Variants in LRRK1 observed in about 807,000 individuals in gnomAD.
LRRK1 encodes leucine-rich repeat serine/threonine-protein kinase 1.
A neutral mutation model predicts 209.1 loss-of-function variants in LRRK1; 113 were observed. The observed-to-expected ratio is 0.54, with a 90% CI of 0.46 to 0.63. The LOEUF (loss-of-function observed/expected upper bound fraction) is 0.63, where lower values mean the gene tolerates loss of function less well. LRRK1 is among the 30% of genes least tolerant of loss of function. The pLI is 0.00. For synonymous variants in LRRK1, 1,144 were observed against 1,099.7 expected, an observed-to-expected ratio of 1.04 and a Z score of -0.80; for missense variants, 2,284 against 2,632.2, an observed-to-expected ratio of 0.87 and a Z score of 2.89.
intron 12 of LRRK1, among the ~76,000 whole-genome samples, chr15:101,017,327 G>C (rs2141703517): frequency 6.6e-6 from 1 of 152,316 alleles, no homozygotes; most frequent in Middle Eastern, 3.4e-3. Context: ...GATACACATA[G>C]AGATCTGTCC....
At chr15:100,971,808 G>A (rs2030903630) in intron 2 of LRRK1, among the ~76,000 whole-genome samples, 1 of 152,086 alleles carries the variant, frequency 6.6e-6, no homozygotes, top group East Asian at 1.9e-4. Context: ...GTCTCTGTTA[G>A]CTGTTTTTCC....
chr15:101,068,735 A>G lies in LRRK1; in HGVS notation c.5935A>G (p.Thr1979Ala), dbSNP rs916569957. 4 of 1,613,904 alleles carry G rather than the reference A, an allele frequency of 2.5e-6. No homozygotes were observed. The highest frequency in any genetic ancestry group is 3.4e-6 in the Non-Finnish European group (4 of 1,179,844). Reference protein sequence around the residue: ...TVVCTFENENTEWCLAVWRGW... With the variant: ...TVVCTFENENAEWCLAVWRGW... Reference sequence around the variant, plus strand: ...TGTGTGCACCTTTGAAAATGAAAACACAGAGTGGTGCCTGGCCGTCTGGAG... The same window carrying G: ...TGTGTGCACCTTTGAAAATGAAAACGCAGAGTGGTGCCTGGCCGTCTGGAG... Residue 1979 changes from threonine to alanine, a missense_variant, in exon 34 of 34, where the codon ACA (threonine) becomes GCA (alanine). Thr to Ala is a moderately conservative substitution (Grantham distance 58, BLOSUM62 0). Transcript: ENST00000388948.
At chr15:100,922,339 G>C (rs925784703) in intron 1 of LRRK1, among the ~76,000 whole-genome samples, 3 of 152,146 alleles carry the variant, frequency 2.0e-5, no homozygotes, top group Admixed American at 6.5e-5. Context: ...ACTGCTCCAG[G>C]GGCAGAGTCT....
intron 6 of LRRK1, among the ~76,000 whole-genome samples, chr15:101,002,987 C>T (rs1160649142): frequency 2.6e-5 from 4 of 152,238 alleles, no homozygotes; most frequent in Admixed American, 6.5e-5. Context: ...CTGCCTTGGC[C>T]TCCCAAAGTT....
chr15:101,067,440 TGTGTGTGTGTG>T (rs2036598070), intron 33 of LRRK1: 2 of 334,856 alleles, frequency 6.0e-6, no homozygotes, highest in Non-Finnish European at 1.2e-5. Context: ...TGTGTGTGTG[TGTGTGTGTGTG>T]TGTGTGTGTG....
rs1301291486 is a variant in LRRK1, at chr15:101,078,155, A to T, written c.*9307A>T. ...CTGTAATTTTCCTTTACCTACCCAAATCCTATAAAACGGCCCCACCCCCAT... is the reference window on the plus strand; with the variant it reads ...CTGTAATTTTCCTTTACCTACCCAATTCCTATAAAACGGCCCCACCCCCAT... On this transcript the variant is annotated 3_prime_UTR_variant, in exon 34 of 34. Coordinates refer to ENST00000388948, the MANE Select transcript of LRRK1 (RefSeq NM_024652.6). The T allele has an allele frequency of 6.6e-6, 1 of 151,542 alleles. No individual in the cohort carries two copies. Among genetic ancestry groups the T allele is most frequent in the Non-Finnish European group, 1.5e-5 (1 of 67,950 alleles). The allele number at this position is 151,542 out of a possible 1,614,324, so 9.4% of individuals were successfully genotyped here.
chr15:100,977,077 C>T (rs2031335791), intron 3 of LRRK1, among the ~76,000 whole-genome samples: 1 of 151,766 alleles, frequency 6.6e-6, no homozygotes, highest in African/African-American at 2.4e-5. Flanking sequence ...CTGGTGGCCT[C>T]AGTACTCAAG....
At chr15:101,039,150 TA>T (rs1189804199) in intron 20 of LRRK1, among the ~76,000 whole-genome samples, 3 of 152,226 alleles carry the variant, frequency 2.0e-5, no homozygotes, top group Non-Finnish European at 4.4e-5. Flanking sequence ...GTCTGATTCT[TA>T]AAAAACCGTT....
intron 10 of LRRK1, among the ~76,000 whole-genome samples, chr15:101,012,427 A>G (rs1037198591): frequency 2.0e-5 from 3 of 152,206 alleles, no homozygotes; most frequent in Non-Finnish European, 2.9e-5. Flanking sequence ...CTGAGTGGAC[A>G]CTGAGAGCTC....
Position 101,055,285 on chromosome 15 carries a change from G to A in LRRK1, c.4332+62G>A, listed in dbSNP as rs538486354. 49 of 1,459,084 alleles carry A rather than the reference G, an allele frequency of 3.4e-5. No individual in the cohort carries two copies. The African/African-American group carries it at 5.2e-4, about 15-fold the overall frequency. 90.4% of individuals were successfully genotyped at this position (1,459,084 alleles called of 1,614,324 possible). A position where few individuals can be genotyped will look rare whatever the true frequency, so the allele number is the denominator to read the frequency against. On this transcript the variant is annotated intron_variant, in intron 27 of 33. Transcript: ENST00000388948. The stretch of plus-strand genomic sequence containing the variant: ...TAGGAGCCCAGCCCTCAGGCTAGCC[G>A]GGCAGTCCTGGAGGCACCTGAAGCT...
Position 101,021,870 on chromosome 15 carries a change from C to T in LRRK1, c.1765C>T (p.Pro589Ser), listed in dbSNP as rs773225777. ...CAACCCTGGCCTCCGGGAGCTCCCT[C>T]CTGAGCTGGGGCAGCTGGGCAACCT... is the stretch of plus-strand genomic sequence containing the variant. The part of the protein sequence containing the change: ...GNNPGLRELP[P>S]ELGQLGNLWQ... Residue 589 changes from proline (P) to serine (S), a missense_variant, in exon 14 of 34, where the codon CCT becomes TCT. Coordinates refer to ENST00000388948, the MANE Select transcript of LRRK1 (RefSeq NM_024652.6). 2.5e-6 allele frequency: 4 copies of T among 1,613,858 alleles called. No individual in the cohort carries two copies. The highest frequency in any genetic ancestry group is 2.5e-6 in the Non-Finnish European group (3 of 1,179,960).
intron 2 of LRRK1, among the ~76,000 whole-genome samples, chr15:100,962,824 T>TATATACATATATATATA (rs1555461505): frequency 1.2e-4 from 1 of 8,444 alleles, no homozygotes; most frequent in Non-Finnish European, 2.8e-4. Flanking sequence ...TATATATATA[T>TATATACATATATATATA]TTTTTTTTTT....
intron 2 of LRRK1, among the ~76,000 whole-genome samples, chr15:100,936,385 G>A (rs1314173093): frequency 6.6e-6 from 1 of 152,170 alleles, no homozygotes; most frequent in Non-Finnish European, 1.5e-5. Context: ...GCCTTGCCAG[G>A]TGGATTCCCC....
intron 1 of LRRK1, among the ~76,000 whole-genome samples, chr15:100,921,559 G>A (rs572932887): frequency 8.1e-5 from 12 of 148,940 alleles, no homozygotes; most frequent in South Asian, 2.1e-4. Context: ...AACTGATATC[G>A]ACAGTCCTTC....
intron 6 of LRRK1, among the ~76,000 whole-genome samples, chr15:101,001,165 G>A (rs1318533221): frequency 6.6e-6 from 1 of 152,192 alleles, no homozygotes; most frequent in Non-Finnish European, 1.5e-5. Context: ...CTGGGACAGA[G>A]CTGCTGTCTG....
rs76743075 is a variant in LRRK1, at chr15:100,928,347, C to G, written c.97+3618C>G. 4.5e-3 allele frequency among the ~76,000 whole-genome samples: 686 copies of G among 152,274 alleles called. 3 individuals are homozygous for G. Among genetic ancestry groups the G allele is most frequent in the African/African-American group, 0.015 (640 of 41,528 alleles). ...CGCAGGACTCACCCTCTGCACATGTCCCCAGAGCCTAAGCTGGATTTGTCC... is the reference window on the plus strand; with the variant it reads ...CGCAGGACTCACCCTCTGCACATGTGCCCAGAGCCTAAGCTGGATTTGTCC... On this transcript the variant is annotated intron_variant, in intron 2 of 33. Coordinates refer to ENST00000388948, the MANE Select transcript of LRRK1 (RefSeq NM_024652.6).
intron 2 of LRRK1, among the ~76,000 whole-genome samples, chr15:100,968,775 T>C (rs1185469070): frequency 6.9e-6 from 1 of 144,590 alleles, no homozygotes; most frequent in African/African-American, 2.7e-5. Context: ...CCTTCCCCTT[T>C]CCTTCCCCTT....
At chr15:100,939,046 T>A (rs2042355201) in intron 2 of LRRK1, among the ~76,000 whole-genome samples, 2 of 152,186 alleles carry the variant, frequency 1.3e-5, no homozygotes, top group South Asian at 4.1e-4. Flanking sequence ...TGAGCCCAGA[T>A]CATGCCATTG....
chr15:101,031,847 G>C (rs1282402859), intron 20 of LRRK1, among the ~76,000 whole-genome samples: 8 of 151,772 alleles, frequency 5.3e-5, no homozygotes, highest in African/African-American at 1.7e-4. Flanking sequence ...CCATTCTCCT[G>C]CCTCAGCCTC....
Sources: gnomAD v4.1 joint callset for allele counts (sites outside exome capture counted in the v4.1 genomes callset) on GRCh38, gnomAD v4.1.1 for gene constraint, MANE v1.5 for transcripts, NCBI Gene and HGNC (gene_info 2026-07-23, HGNC 2026-07-21) for gene names.